TET1: variants seen among roughly 807,000 people sequenced by gnomAD.
The protein encoded by TET1 is methylcytosine dioxygenase TET1.
Under a neutral mutation model 148.7 loss-of-function variants are expected in TET1, and 13 were observed. The observed-to-expected ratio is 0.09, with a 90% CI of 0.06 to 0.14. The LOEUF is 0.14. Ranked by LOEUF, TET1 falls within the 10% of genes least tolerant of loss-of-function variation. The pLI is 1.00. For missense variants in TET1, 2,182 were observed against 2,553.8 expected, an observed-to-expected ratio of 0.85 and a Z score of 3.14; for synonymous variants, 907 against 937.2, an observed-to-expected ratio of 0.97 and a Z score of 0.59.
chr10:68,566,858 C>CTTT lies in TET1; in HGVS notation c.-122-5350_-122-5348dup, dbSNP rs113654164. Among the ~76,000 whole-genome samples, 502 of 140,774 alleles carry CTTT rather than the reference C, an allele frequency of 3.6e-3. 3 individuals are homozygous for CTTT. Among genetic ancestry groups the CTTT allele is most frequent in the African/African-American group, 0.012 (477 of 38,596 alleles). The allele number at this position is 140,774 out of a possible 152,430, so 92.4% of individuals were successfully genotyped here. A position where few individuals can be genotyped will look rare whatever the true frequency, so the allele number is the denominator to read the frequency against. ...TTTGTATTTTAGAGTTGCAAACAGGCTTTTTTTTTTTAGCTCCTATTTATG... is the reference window on the plus strand; with the variant it reads ...TTTGTATTTTAGAGTTGCAAACAGGCTTTTTTTTTTTTTTAGCTCCTATTTATG... On this transcript the variant is annotated intron_variant, in intron 1 of 11. Transcript: ENST00000373644.
intron 3 of TET1, among the ~76,000 whole-genome samples, chr10:68,626,744 G>T (rs944386457): frequency 7.9e-5 from 12 of 151,600 alleles, no homozygotes; most frequent in Non-Finnish European, 1.3e-4. Flanking sequence ...TAGAGACGGG[G>T]CTTCACCATG....
Position 68,667,059 on chromosome 10 carries a change from C to G in TET1, c.4476C>G (p.Ser1492Arg). ...CPIAKWVLRR[S>R]SDEEKVLCLV... ...TGTTTTTTCAGGTTTTAAGAAGAAG[C>G]AGTGATGAAGAAAAAGTTCTTTGTT... The change falls in exon 7 of 12, where the codon AGC becomes AGG. Residue 1492 changes from serine (S) to arginine (R), a missense_variant. Physicochemically the swap from Ser to Arg is moderately radical, Grantham distance 110 (BLOSUM62 -1). This residue lies in a region of TET1 where 169 missense variants were observed against 263.7 expected (regional missense o/e 0.64). Coordinates refer to ENST00000373644, the MANE Select transcript of TET1 (RefSeq NM_030625.3). 6.2e-7 allele frequency: 1 copy of G among 1,613,484 alleles called. No individual in the cohort carries two copies. The highest frequency in any genetic ancestry group is 8.5e-7 in the Non-Finnish European group (1 of 1,179,780).
At chr10:68,679,664 T>A (rs1484644625) in intron 8 of TET1, among the ~76,000 whole-genome samples, 1 of 152,186 alleles carries the variant, frequency 6.6e-6, no homozygotes, top group Non-Finnish European at 1.5e-5. Flanking sequence ...AGTAGGGTCA[T>A]GACTTTCCTG....
In TET1 at chr10:68,573,361, T is replaced by C; in HGVS notation, c.1023T>C (p.Ala341=). The change falls in exon 2 of 12, where the codon GCT becomes GCC. Residue 341 remains alanine, a synonymous_variant. Coordinates refer to ENST00000373644, the MANE Select transcript of TET1 (RefSeq NM_030625.3). ...GCTCAAAACAAGCGACCCTTGGTGC[T>C]AAACCAGATCATCAAGAGGCCTTCG... ...LAGSKQATLG[A]KPDHQEAFEA... 1 of 1,614,166 alleles carries C rather than the reference T, an allele frequency of 6.2e-7. No homozygotes were observed. The highest frequency in any genetic ancestry group is 8.5e-7 in the Non-Finnish European group (1 of 1,180,028).
intron 3 of TET1, among the ~76,000 whole-genome samples, chr10:68,603,446 G>A (rs2054083734): frequency 6.6e-6 from 1 of 152,056 alleles, no homozygotes; most frequent in Non-Finnish European, 1.5e-5. Flanking sequence ...AAATTGGCTG[G>A]CATGTCTTAT....
At chr10:68,587,444 A>T (rs1446762720) in intron 2 of TET1, among the ~76,000 whole-genome samples, 1 of 152,172 alleles carries the variant, frequency 6.6e-6, no homozygotes, top group Non-Finnish European at 1.5e-5. Flanking sequence ...ACAGAATTGC[A>T]GGGAGATTTG....
At chr10:68,640,204 G>C (rs2054723787) in intron 3 of TET1, among the ~76,000 whole-genome samples, 1 of 151,572 alleles carries the variant, frequency 6.6e-6, no homozygotes, top group Non-Finnish European at 1.5e-5. Context: ...TGGGATTACA[G>C]GCGGAAGCTG....
chr10:68,677,652 G>C (rs557889017), intron 8 of TET1, among the ~76,000 whole-genome samples: 1 of 152,130 alleles, frequency 6.6e-6, no homozygotes, highest in East Asian at 1.9e-4. Context: ...ACCCTGCCTG[G>C]CAATTTTTTT....
At chr10:68,623,858 T>A (rs938113700) in intron 3 of TET1, among the ~76,000 whole-genome samples, 2 of 152,166 alleles carry the variant, frequency 1.3e-5, no homozygotes, top group African/African-American at 2.4e-5. Flanking sequence ...ATTATTTCAT[T>A]TTCTGGTGTT....
At position 68,676,485 on chromosome 10, in the gene TET1, A is replaced by G. The variant is rs904552346; in HGVS notation, c.4824+3440A>G. Among the ~76,000 whole-genome samples the G allele has an allele frequency of 1.5e-4, 23 of 151,114 alleles. 1 individual carries two copies. The highest frequency in any genetic ancestry group is 3.1e-4 in the Non-Finnish European group (21 of 67,814). ...TTTTTAGTAGAGATGGGGTTTCACT[A>G]GGATGATCTCAATCTCTTGACCTTG... On this transcript the variant is annotated intron_variant, in intron 8 of 11. Coordinates refer to ENST00000373644, the MANE Select transcript of TET1 (RefSeq NM_030625.3).
intron 8 of TET1, among the ~76,000 whole-genome samples, chr10:68,676,539 G>C (rs1244883046): frequency 6.6e-6 from 1 of 151,670 alleles, no homozygotes; most frequent in East Asian, 1.9e-4. Context: ...CTCCCAAAGT[G>C]CTAGGATTAC....
chr10:68,667,132 G>A lies in TET1; in HGVS notation c.4549G>A (p.Val1517Met), dbSNP rs1169034139. Residue 1517 changes from valine (V) to methionine (M), a missense_variant, in exon 7 of 12, where the codon GTG (valine) becomes ATG (methionine). Val to Met is a conservative substitution (Grantham distance 21, BLOSUM62 1). Transcript: ENST00000373644. ...CCACTGTCCAACTGCTGTGATGGTG[G>A]TGCTCATCATGGTGTGGGATGGCAT... is the stretch of plus-strand genomic sequence containing the variant. ...GHHCPTAVMV[V>M]LIMVWDGIPL... 1.9e-6 allele frequency: 3 copies of A among 1,614,014 alleles called. No homozygotes were observed. The East Asian group carries it at 6.7e-5, about 36-fold the overall frequency.
chr10:68,597,519 G>A (rs7913296), intron 2 of TET1, among the ~76,000 whole-genome samples: 9,054 of 152,286 alleles, frequency 0.059, 641 homozygotes, highest in African/African-American at 0.17. Context: ...GTGCAAAGCT[G>A]ATGGGAATGT....
chr10:68,632,323 A>G (rs891321790), intron 3 of TET1: 25 of 1,480,766 alleles, frequency 1.7e-5, no homozygotes, highest in East Asian at 2.3e-5. Context: ...TTCCCTTTCA[A>G]AAAAAAAAGA....
At position 68,573,073 on chromosome 10, in the gene TET1, G is replaced by A. The variant is rs565067994; in HGVS notation, c.735G>A (p.Gln245=). 6.2e-7 allele frequency: 1 copy of A among 1,614,118 alleles called. No individual in the cohort carries two copies. Among genetic ancestry groups the A allele is most frequent in the African/African-American group, 1.3e-5 (1 of 75,024 alleles). Residue 245 remains glutamine, a synonymous_variant, in exon 2 of 12, where the codon CAG becomes CAA. Transcript: ENST00000373644. ...GTGGTTCCCCAAAAATGTTTGCTCA[G>A]GACACAGTGTGTGCTCCTTTTCCCC... The part of the protein sequence containing the change: ...DTSGSPKMFA[Q]DTVCAPFPQR...
Position 68,609,112 on chromosome 10 carries a change from C to G in TET1, c.1968+8078C>G, listed in dbSNP as rs947651434. 3.3e-5 allele frequency among the ~76,000 whole-genome samples: 5 copies of G among 152,072 alleles called. No individual in the cohort carries two copies. The South Asian group carries it at 1.0e-3, about 31-fold the overall frequency. On this transcript the variant is annotated intron_variant, in intron 3 of 11. Transcript: ENST00000373644. ...TACTGGGCTCACGTGATCTTCCCAC[C>G]TCAGTCTCCTGAGTACCTAGGTTGA...
Position 68,595,919 on chromosome 10 carries a change from CATATATATATATAT to C in TET1, c.1915-5032_1915-5019del, listed in dbSNP as rs374124558. ...TGTGAGCCACTGCGCCCAGCCAAAA[CATATATATATATAT>C]ATATATATATATATATATATATATA... On this transcript the variant is annotated intron_variant, in intron 2 of 11. Transcript: ENST00000373644. Among the ~76,000 whole-genome samples, 68 of 34,524 alleles carry C rather than the reference CATATATATATATAT, an allele frequency of 2.0e-3. 2 individuals carry two copies. Among genetic ancestry groups the C allele is most frequent in the Non-Finnish European group, 2.6e-3 (49 of 18,690 alleles). The allele number at this position is 34,524 out of a possible 152,430, so 22.6% of individuals were successfully genotyped here.
At chr10:68,684,032 G>T (rs2055475746) in intron 10 of TET1, among the ~76,000 whole-genome samples, 1 of 152,056 alleles carries the variant, frequency 6.6e-6, no homozygotes, top group Non-Finnish European at 1.5e-5. Flanking sequence ...GAGAGCAATT[G>T]CTTTTGTTTT....
chr10:68,590,170 T>C (rs1206173182), intron 2 of TET1, among the ~76,000 whole-genome samples: 1 of 152,092 alleles, frequency 6.6e-6, no homozygotes, highest in Non-Finnish European at 1.5e-5. Context: ...TGGAGTGCAG[T>C]AGTGTGATCA....
Sources: gnomAD v4.1 joint callset for allele counts (sites outside exome capture counted in the v4.1 genomes callset) on GRCh38, gnomAD v4.1.1 for gene constraint, gnomAD v4.1.1 regional missense constraint, MANE v1.5 for transcripts, NCBI Gene and HGNC (gene_info 2026-07-23, HGNC 2026-07-21) for gene names.